The following QTMAN variants were observed in gnomAD, a reference collection of about 807,000 sequenced individuals.
QTMAN encodes tRNA-queuosine alpha-mannosyltransferase.
chr2:144,234,669 T>C, the QTMAN span, among the ~76,000 whole-genome samples: 11 of 152,180 alleles, frequency 7.2e-5, no homozygotes, highest in Non-Finnish European at 4.4e-5. Context: ...ATAGCTGTTA[T>C]AGAAATAGCA....
At chr2:144,161,756 G>A in the QTMAN span, among the ~76,000 whole-genome samples, 11 of 152,142 alleles carry the variant, frequency 7.2e-5, no homozygotes, top group Non-Finnish European at 1.2e-4. Context: ...CAATACCTGT[G>A]TACAAATATG....
the QTMAN span, among the ~76,000 whole-genome samples, chr2:144,245,517 C>T: frequency 6.6e-6 from 1 of 152,088 alleles, no homozygotes; most frequent in Non-Finnish European, 1.5e-5. Context: ...TTTCAGGCAA[C>T]GAATCTGCTC....
chr2:144,316,882 T>C, the QTMAN span, among the ~76,000 whole-genome samples: 1 of 152,236 alleles, frequency 6.6e-6, no homozygotes, highest in African/African-American at 2.4e-5. Flanking sequence ...TGTATGATTC[T>C]CTATTTCAAT....
chr2:144,131,127 CCTT>C, the QTMAN span, among the ~76,000 whole-genome samples: 1 of 151,868 alleles, frequency 6.6e-6, no homozygotes, highest in Non-Finnish European at 1.5e-5. Context: ...TCCAACCAAA[CCTT>C]CTGCAAATGC....
At chr2:144,186,864 T>C in the QTMAN span, among the ~76,000 whole-genome samples, 4 of 152,068 alleles carry the variant, frequency 2.6e-5, no homozygotes, top group African/African-American at 9.7e-5. Flanking sequence ...ATCACCTAAC[T>C]CTCCTTTTCA....
chr2:144,280,710 GAA>G, the QTMAN span, among the ~76,000 whole-genome samples: 13 of 151,954 alleles, frequency 8.6e-5, no homozygotes, highest in African/African-American at 2.9e-4. Flanking sequence ...ATGCTAGGGA[GAA>G]AAAGTCTACA....
chr2:144,259,435 A>T, the QTMAN span, among the ~76,000 whole-genome samples: 1 of 152,206 alleles, frequency 6.6e-6, no homozygotes, highest in Non-Finnish European at 1.5e-5. Flanking sequence ...CTGGGATTAC[A>T]GGCATGAGCC....
the QTMAN span, among the ~76,000 whole-genome samples, chr2:144,283,884 T>G: frequency 6.6e-6 from 1 of 151,928 alleles, no homozygotes; most frequent in Non-Finnish European, 1.5e-5. Flanking sequence ...AAAAATAAAT[T>G]TTAAACTGTT....
the QTMAN span, among the ~76,000 whole-genome samples, chr2:144,207,439 T>C: frequency 6.6e-6 from 1 of 152,084 alleles, no homozygotes; most frequent in African/African-American, 2.4e-5. Context: ...AGCAGATGGG[T>C]AGAGGTACTG....
chr2:144,223,378 T>C, the QTMAN span, among the ~76,000 whole-genome samples: 1 of 152,188 alleles, frequency 6.6e-6, no homozygotes, highest in Admixed American at 6.5e-5. Flanking sequence ...ATTTCCCATA[T>C]TTTAAAATAA....
chr2:144,023,163 C>A, the QTMAN span, among the ~76,000 whole-genome samples: 1 of 152,062 alleles, frequency 6.6e-6, no homozygotes, highest in Non-Finnish European at 1.5e-5. Flanking sequence ...TAGGACACAT[C>A]AGAACAGAAG....
At chr2:144,242,640 G>A in the QTMAN span, among the ~76,000 whole-genome samples, 1 of 152,130 alleles carries the variant, frequency 6.6e-6, no homozygotes, top group African/African-American at 2.4e-5. Context: ...AGTCAATGAA[G>A]TATAAGCTAG....
At chr2:144,106,799 A>G in the QTMAN span, among the ~76,000 whole-genome samples, 1 of 152,254 alleles carries the variant, frequency 6.6e-6, no homozygotes, top group Non-Finnish European at 1.5e-5. Flanking sequence ...TCAACAGAAT[A>G]TACATTCTTC....
At chr2:143,943,624 A>G in the QTMAN span, 2 of 152,212 alleles carry the variant, frequency 1.3e-5, no homozygotes, top group Non-Finnish European at 2.9e-5. Flanking sequence ...CTTCAACATA[A>G]AATGAAATCT....
the QTMAN span, among the ~76,000 whole-genome samples, chr2:144,192,705 A>G: frequency 6.6e-6 from 1 of 152,222 alleles, no homozygotes; most frequent in Non-Finnish European, 1.5e-5. Context: ...CATATTTGTA[A>G]GTTTCAAAGA....
chr2:144,239,230 T>C, the QTMAN span, among the ~76,000 whole-genome samples: 2 of 149,580 alleles, frequency 1.3e-5, no homozygotes, highest in African/African-American at 4.9e-5. Flanking sequence ...TAGAAACGTA[T>C]TTCATTATTT....
chr2:143,956,316 G>C, the QTMAN span, among the ~76,000 whole-genome samples: 1 of 152,128 alleles, frequency 6.6e-6, no homozygotes, highest in Non-Finnish European at 1.5e-5. Context: ...AAAGGGTATA[G>C]AGTAAGTCAA....
chr2:143,940,220 T>A, the QTMAN span: 1 of 152,246 alleles, frequency 6.6e-6, no homozygotes, highest in Non-Finnish European at 1.5e-5. Flanking sequence ...ACGCTTTGGT[T>A]TGACTACGAT....
chr2:144,208,998 G>GAAAT, the QTMAN span, among the ~76,000 whole-genome samples: 1 of 152,110 alleles, frequency 6.6e-6, no homozygotes, highest in South Asian at 2.1e-4. Flanking sequence ...TTAATAAGAA[G>GAAAT]AAATAAAGGT....
Sources: allele counts gnomAD v4.1 joint callset (sites outside exome capture counted in the v4.1 genomes callset), GRCh38; gene constraint gnomAD v4.1.1; transcripts MANE v1.5; gene names NCBI Gene and HGNC (gene_info 2026-07-23, HGNC 2026-07-21).